The following LTBP1 variants were observed in gnomAD, a reference collection of about 807,000 sequenced individuals.
LTBP1 encodes latent-transforming growth factor beta-binding protein 1.
A neutral mutation model predicts 207.6 loss-of-function variants in LTBP1; 129 were observed. The observed-to-expected ratio is 0.62, with a 90% confidence interval of 0.54 to 0.72. LTBP1 has a LOEUF of 0.72. Ranked by LOEUF, LTBP1 falls within the 30% of genes least tolerant of loss-of-function variation. The probability of loss-of-function intolerance (pLI) is 0.00; values close to 1 mark genes in which losing one functional copy is unlikely to be tolerated. For missense variants in LTBP1, 2,281 were observed against 2,217.2 expected (o/e 1.03, Z -0.58); for synonymous variants, 963 against 833.7 (o/e 1.16, Z -2.67).
At chr2:33,254,857 T>TTG (rs2092797249) in intron 11 of LTBP1, among the ~76,000 whole-genome samples, 2 of 96,118 alleles carry the variant, frequency 2.1e-5, no homozygotes, top group Admixed American at 1.0e-4. Context: ...GTTTGGTTTT[T>TTG]TTTTTTTTTT....
intron 21 of LTBP1, among the ~76,000 whole-genome samples, chr2:33,301,013 A>T (rs1367938203): frequency 6.6e-6 from 1 of 152,228 alleles, no homozygotes; most frequent in Non-Finnish European, 1.5e-5. Flanking sequence ...TCGCTAAAGA[A>T]GATTTCTCAA....
chr2:33,143,117 T>C (rs1025404973), intron 5 of LTBP1, among the ~76,000 whole-genome samples: 5 of 152,194 alleles, frequency 3.3e-5, no homozygotes, highest in Non-Finnish European at 7.3e-5. Context: ...CTTGTGCTCC[T>C]GTGTCTCTGT....
chr2:33,375,807 G>T (rs1245327289), intron 31 of LTBP1, among the ~76,000 whole-genome samples: 2 of 151,158 alleles, frequency 1.3e-5, no homozygotes, highest in Non-Finnish European at 2.9e-5. Flanking sequence ...CTCCCAAAGT[G>T]CTGGGATTAC....
At chr2:33,048,306 G>A (rs1202790269) in intron 3 of LTBP1, among the ~76,000 whole-genome samples, 1 of 152,238 alleles carries the variant, frequency 6.6e-6, no homozygotes, top group Admixed American at 6.5e-5. Flanking sequence ...TAGCAGGAAA[G>A]ACATCCAGAA....
At chr2:33,371,240 A>G (rs905005194) in intron 31 of LTBP1, among the ~76,000 whole-genome samples, 4 of 152,194 alleles carry the variant, frequency 2.6e-5, no homozygotes, top group South Asian at 2.1e-4. Flanking sequence ...TTCCTTCACC[A>G]TGGATGTATC....
chr2:33,189,311 TTAGCCTCC>T (rs1413957453), intron 7 of LTBP1, among the ~76,000 whole-genome samples: 7 of 152,224 alleles, frequency 4.6e-5, no homozygotes, highest in African/African-American at 1.7e-4. Flanking sequence ...TTCTCCTGCC[TTAGCCTCC>T]TAAGTAGCTG....
chr2:33,038,428 A>G (rs1401210955), intron 3 of LTBP1, among the ~76,000 whole-genome samples: 1 of 152,206 alleles, frequency 6.6e-6, no homozygotes, highest in Non-Finnish European at 1.5e-5. Flanking sequence ...CCTGTAATCT[A>G]GGCATCCAGA....
At chr2:33,104,402 T>A (rs2079933994) in intron 3 of LTBP1, among the ~76,000 whole-genome samples, 2 of 152,216 alleles carry the variant, frequency 1.3e-5, no homozygotes, top group Non-Finnish European at 2.9e-5. Flanking sequence ...ATATTTTGGC[T>A]CCTACCATTC....
At chr2:33,299,776 A>G (rs2093948381) in intron 20 of LTBP1, among the ~76,000 whole-genome samples, 1 of 152,230 alleles carries the variant, frequency 6.6e-6, no homozygotes, top group Non-Finnish European at 1.5e-5. Flanking sequence ...CAGTTGTATA[A>G]CTTCGTATAC....
intron 5 of LTBP1, among the ~76,000 whole-genome samples, chr2:33,167,915 G>T (rs1313742384): frequency 6.6e-6 from 1 of 152,204 alleles, no homozygotes; most frequent in Admixed American, 6.5e-5. Context: ...AGTTAAGCAG[G>T]AAATTGATGG....
rs2094560979 is a variant in LTBP1 at position 33,337,023 on chromosome 2, A to AT, written c.3731-5809dup. ...AGTTCTTAAAATTAAAACGATTTTA[A>AT]TTTTTTGGTTCTTAAACAAGATTTA... On this transcript the variant is annotated intron_variant, in intron 24 of 33. Coordinates refer to ENST00000404816, the MANE Select transcript of LTBP1 (RefSeq NM_206943.4). 2.0e-5 allele frequency among the ~76,000 whole-genome samples: 3 copies of AT among 152,152 alleles called. No homozygotes were observed. In the South Asian group the frequency reaches 6.2e-4, roughly 32 times the overall value.
At chr2:33,266,036 G>A (rs920749392) in intron 15 of LTBP1, among the ~76,000 whole-genome samples, 3 of 152,220 alleles carry the variant, frequency 2.0e-5, no homozygotes, top group Non-Finnish European at 4.4e-5. Context: ...CAGTCACCTA[G>A]CCACGGCTCC....
chr2:33,339,949 T>C (rs1199322424), intron 24 of LTBP1, among the ~76,000 whole-genome samples: 1 of 152,038 alleles, frequency 6.6e-6, no homozygotes, highest in African/African-American at 2.4e-5. Flanking sequence ...CGGGCTTCAT[T>C]GATTTTTTAA....
rs1315637971 is a variant in LTBP1, at chr2:33,188,631, C to T, written c.1481C>T (p.Ser494Phe). Reference sequence around the variant, plus strand: ...CATGTGAAACATCCTCCTGAAGCTTCCGTCCAGATACATCAGGTTTCAAGA... The same window carrying T: ...CATGTGAAACATCCTCCTGAAGCTTTCGTCCAGATACATCAGGTTTCAAGA... ...NIHVKHPPEA[S>F]VQIHQVSRID... Residue 494 changes from serine (S) to phenylalanine (F), a missense_variant, in exon 7 of 34, where the codon TCC becomes TTC. Coordinates refer to ENST00000404816, the MANE Select transcript of LTBP1 (RefSeq NM_206943.4). The T allele has an allele frequency of 6.2e-7, 1 of 1,614,064 alleles. No homozygotes were observed. The highest frequency in any genetic ancestry group is 8.5e-7 in the Non-Finnish European group (1 of 1,179,998).
chr2:32,966,514 T>C (rs916713640), intron 2 of LTBP1, among the ~76,000 whole-genome samples: 1 of 152,210 alleles, frequency 6.6e-6, no homozygotes, highest in African/African-American at 2.4e-5. Context: ...GTTAGCTGTA[T>C]GTTTTTTATA....
intron 3 of LTBP1, among the ~76,000 whole-genome samples, chr2:33,097,018 A>C (rs544974374): frequency 6.6e-6 from 1 of 152,308 alleles, no homozygotes; most frequent in African/African-American, 2.4e-5. Context: ...AGAGGAAGAT[A>C]CTGATAAACC....
At chr2:33,062,061 G>A (rs946459477) in intron 3 of LTBP1, among the ~76,000 whole-genome samples, 3 of 152,082 alleles carry the variant, frequency 2.0e-5, no homozygotes, top group African/African-American at 4.8e-5. Context: ...GATGACTAAT[G>A]ATATCGAATA....
chr2:33,289,529 T>A (rs1052042656), intron 19 of LTBP1, among the ~76,000 whole-genome samples: 10 of 151,692 alleles, frequency 6.6e-5, no homozygotes, highest in African/African-American at 2.2e-4. Context: ...TCAGCTAATT[T>A]AAAAAAAAAA....
intron 24 of LTBP1, among the ~76,000 whole-genome samples, chr2:33,319,864 A>C (rs1478165175): frequency 6.6e-6 from 1 of 152,162 alleles, no homozygotes; most frequent in Non-Finnish European, 1.5e-5. Flanking sequence ...AGTCATGGCT[A>C]ATTAGGCCTC....
Sources: gnomAD v4.1 joint callset for allele counts (sites outside exome capture counted in the v4.1 genomes callset) on GRCh38, gnomAD v4.1.1 for gene constraint, MANE v1.5 for transcripts, NCBI Gene and HGNC (gene_info 2026-07-23, HGNC 2026-07-21) for gene names.